VPS13B: variants seen among roughly 807,000 people sequenced by gnomAD.
The protein encoded by VPS13B is intermembrane lipid transfer protein VPS13B.
Under a neutral mutation model 426.4 loss-of-function variants are expected in VPS13B, and 285 were observed. The observed-to-expected ratio is 0.67, with a 90% CI of 0.61 to 0.74. VPS13B has a LOEUF of 0.74. Ranked by LOEUF, VPS13B falls within the 30% of genes least tolerant of loss-of-function variation. The pLI is 0.00. For missense variants in VPS13B, 4,537 were observed against 4,782.6 expected (o/e 0.95, Z 1.51); for synonymous variants, 1,676 against 1,676.4 (o/e 1.00, Z 0.01).
At chr8:99,355,157 A>G (rs1407381971) in intron 19 of VPS13B, among the ~76,000 whole-genome samples, 1 of 152,178 alleles carries the variant, frequency 6.6e-6, no homozygotes, top group Non-Finnish European at 1.5e-5. Context: ...AGTTCTAATA[A>G]TCTAAGCTTA....
In VPS13B at chr8:99,501,774, G is replaced by A; in HGVS notation, c.3958G>A (p.Gly1320Arg). Reference sequence around the variant, plus strand: ...TACAAGTAATATTGGAGGAACCAGTGGACGTGTTAGTTTATGGATGCAGTG... The same window carrying A: ...TACAAGTAATATTGGAGGAACCAGTAGACGTGTTAGTTTATGGATGCAGTG... The part of the protein sequence containing the change: ...QTTSNIGGTS[G>R]RVSLWMQWVL... The change falls in exon 26 of 62, where the codon GGA (glycine) becomes AGA (arginine). Residue 1320 changes from glycine (G) to arginine (R), a missense_variant. This residue lies in a region of VPS13B where 4,311 missense variants were observed against 4,474.3 expected (regional missense o/e 0.96). Coordinates refer to ENST00000357162, the MANE Select transcript of VPS13B (RefSeq NM_152564.5). 1 of 1,614,016 alleles carries A rather than the reference G, an allele frequency of 6.2e-7. No homozygotes were observed. Among genetic ancestry groups the A allele is most frequent in the Non-Finnish European group, 8.5e-7 (1 of 1,179,990 alleles).
chr8:99,068,946 C>A (rs955546783), intron 3 of VPS13B, among the ~76,000 whole-genome samples: 15 of 151,982 alleles, frequency 9.9e-5, no homozygotes, highest in Non-Finnish European at 5.9e-5. Context: ...TATTGTCTGG[C>A]CCTTTACAGA....
intron 54 of VPS13B, among the ~76,000 whole-genome samples, chr8:99,837,221 G>A (rs1815444293): frequency 1.3e-5 from 2 of 152,146 alleles, no homozygotes; most frequent in Admixed American, 6.5e-5. Flanking sequence ...CAGGGGAAGG[G>A]ATGGTTGAGT....
intron 30 of VPS13B, among the ~76,000 whole-genome samples, chr8:99,544,309 G>A (rs1303554381): frequency 1.3e-5 from 2 of 151,956 alleles, no homozygotes; most frequent in Non-Finnish European, 2.9e-5. Flanking sequence ...AGCAGGGCCT[G>A]TTGTGGGGTG....
intron 19 of VPS13B, among the ~76,000 whole-genome samples, chr8:99,339,913 G>A (rs1352360356): frequency 6.6e-6 from 1 of 152,098 alleles, no homozygotes. Flanking sequence ...AAAATAGCTT[G>A]CAAAAAATTT....
chr8:99,018,195 A>C (rs4735593), intron 2 of VPS13B, among the ~76,000 whole-genome samples: 4,712 of 152,160 alleles, frequency 0.031, 98 homozygotes, highest in East Asian at 0.053. Context: ...AGATCAGCCT[A>C]GCCAATATGG....
intron 57 of VPS13B, 131 bp from the exon 58 acceptor site, chr8:99,861,645 G>A (rs1279778551): frequency 2.5e-6 from 3 of 1,210,404 alleles, no homozygotes; most frequent in Non-Finnish European, 2.4e-6. Flanking sequence ...TGCCTGAGAG[G>A]GAGCCACCAT....
intron 33 of VPS13B, among the ~76,000 whole-genome samples, chr8:99,627,387 A>T (rs1828655631): frequency 6.6e-6 from 1 of 152,072 alleles, no homozygotes; most frequent in Non-Finnish European, 1.5e-5. Flanking sequence ...GCTTGATTTA[A>T]TCATGCCACA....
intron 8 of VPS13B, among the ~76,000 whole-genome samples, chr8:99,126,865 A>G (rs1165020428): frequency 6.6e-6 from 1 of 152,148 alleles, no homozygotes; most frequent in Non-Finnish European, 1.5e-5. Flanking sequence ...AGGCCAAAGC[A>G]GGCGGATCAC....
intron 3 of VPS13B, among the ~76,000 whole-genome samples, chr8:99,068,773 C>T (rs1051326968): frequency 3.9e-5 from 6 of 152,140 alleles, no homozygotes; most frequent in African/African-American, 7.2e-5. Flanking sequence ...CTCACTATCA[C>T]GAGAACAGCA....
chr8:99,582,710 C>T lies in VPS13B; in HGVS notation c.5220+5077C>T, dbSNP rs1054730164. ...TCGCTCTGTCTCCCAGGCAGGAGTG[C>T]AGTGGCGCAATCTCGGCTCACTGCA... On this transcript the variant is annotated intron_variant, in intron 33 of 61. Transcript: ENST00000357162. Among the ~76,000 whole-genome samples, 12 of 152,110 alleles carry T rather than the reference C, an allele frequency of 7.9e-5. No individual in the cohort carries two copies. In the East Asian group the frequency reaches 2.3e-3, roughly 29 times the overall value.
At chr8:99,554,043 G>C (rs1401989597) in intron 30 of VPS13B, among the ~76,000 whole-genome samples, 8 of 152,018 alleles carry the variant, frequency 5.3e-5, no homozygotes, top group African/African-American at 1.9e-4. Flanking sequence ...AAAAAAATGG[G>C]AAATTTCAAG....
chr8:99,724,195 C>T (rs1044783134), intron 39 of VPS13B, among the ~76,000 whole-genome samples: 27 of 152,226 alleles, frequency 1.8e-4, no homozygotes, highest in African/African-American at 6.0e-4. Flanking sequence ...TGAGGATCTA[C>T]AGTGCCAGGC....
intron 3 of VPS13B, among the ~76,000 whole-genome samples, chr8:99,057,190 T>C (rs1167205918): frequency 1.3e-5 from 2 of 151,956 alleles, no homozygotes; most frequent in African/African-American, 4.8e-5. Flanking sequence ...AAAAAGTATT[T>C]TTTTTTTTGT....
intron 8 of VPS13B, among the ~76,000 whole-genome samples, chr8:99,129,588 A>AG: frequency 6.6e-6 from 1 of 151,200 alleles, no homozygotes; most frequent in East Asian, 1.9e-4. Flanking sequence ...AAAAAAAAAA[A>AG]AAGTCTGACA....
rs768673886 is a variant in VPS13B at position 99,208,481 on chromosome 8, A to G, written c.2515+15424A>G. 4.6e-5 allele frequency among the ~76,000 whole-genome samples: 7 copies of G among 152,126 alleles called. No homozygotes were observed. In the East Asian group the frequency reaches 5.8e-4, roughly 13 times the overall value. ...CCATTAATCCCAAGTTTCTGATTCTATCTTTTTATAGTCACCTTTTTAAAT... is the reference window on the plus strand; with the variant it reads ...CCATTAATCCCAAGTTTCTGATTCTGTCTTTTTATAGTCACCTTTTTAAAT... On this transcript the variant is annotated intron_variant, in intron 17 of 61. Coordinates refer to ENST00000357162, the MANE Select transcript of VPS13B (RefSeq NM_152564.5).
intron 21 of VPS13B, among the ~76,000 whole-genome samples, chr8:99,401,877 T>C (rs1815057695): frequency 6.6e-6 from 1 of 151,984 alleles, no homozygotes; most frequent in Admixed American, 6.6e-5. Context: ...AATACATAAA[T>C]AAATAAATAA....
intron 23 of VPS13B, among the ~76,000 whole-genome samples, chr8:99,445,768 C>T (rs1453616310): frequency 6.6e-6 from 1 of 151,822 alleles, no homozygotes; most frequent in Non-Finnish European, 1.5e-5. Flanking sequence ...CACTTTAATC[C>T]TTCTCTCCAG....
At chr8:99,359,337 A>G (rs561968212) in intron 19 of VPS13B, among the ~76,000 whole-genome samples, 9 of 152,238 alleles carry the variant, frequency 5.9e-5, no homozygotes, top group African/African-American at 2.2e-4. Flanking sequence ...GTTATTGTCC[A>G]TTAGCCTATT....
Sources: allele counts gnomAD v4.1 joint callset (sites outside exome capture counted in the v4.1 genomes callset), GRCh38; gene constraint gnomAD v4.1.1; regional missense constraint gnomAD v4.1.1; transcripts MANE v1.5; gene names NCBI Gene and HGNC (gene_info 2026-07-23, HGNC 2026-07-21).